SLC66A3: variants seen among roughly 807,000 people sequenced by gnomAD.
The protein encoded by SLC66A3 is solute carrier family 66 member 3.
SLC66A3 carries 23 observed loss-of-function variants against 25.5 expected under a neutral mutation model. That is an observed-to-expected ratio of 0.90 (90% CI 0.65 to 1.28). The LOEUF (loss-of-function observed/expected upper bound fraction) is 1.28, where lower values mean the gene tolerates loss of function less well. Among genes scored for constraint, SLC66A3 ranks in the 50% most tolerant of loss-of-function variants. The probability of loss-of-function intolerance (pLI) is 0.00; values close to 1 mark genes in which losing one functional copy is unlikely to be tolerated. For synonymous variants in SLC66A3, 108 were observed against 112.6 expected (o/e 0.96, Z 0.26); for missense variants, 246 against 262.1 (o/e 0.94, Z 0.42).
chr2:11,163,978 G>A (rs971654329), intron 3 of SLC66A3, among the ~76,000 whole-genome samples: 3 of 152,198 alleles, frequency 2.0e-5, no homozygotes, highest in Non-Finnish European at 4.4e-5. Flanking sequence ...GGGTGTCTTT[G>A]TATTTCTCTT....
intron 5 of SLC66A3, among the ~76,000 whole-genome samples, chr2:11,174,688 ACAGG>A: frequency 3.9e-5 from 6 of 152,084 alleles, no homozygotes; most frequent in Admixed American, 2.6e-4. Flanking sequence ...GTAGAGACAG[ACAGG>A]GTTTTGCCAT....
chr2:11,159,874 T>A (rs1445652543), intron 1 of SLC66A3, among the ~76,000 whole-genome samples: 2 of 152,206 alleles, frequency 1.3e-5, no homozygotes, highest in South Asian at 4.1e-4. Context: ...AGCCGGAGTC[T>A]TCTTAGCGAA....
At chr2:11,164,142 T>A (rs1389811227) in intron 3 of SLC66A3, 62 bp from the exon 4 acceptor site, 1 of 1,008,470 alleles carries the variant, frequency 9.9e-7, no homozygotes, top group African/African-American at 1.7e-5. Flanking sequence ...TTTGTATATG[T>A]GAGATGGGAG....
chr2:11,167,465 A>G lies in SLC66A3; in HGVS notation c.354+3204A>G, dbSNP rs183583277. Among the ~76,000 whole-genome samples, 322 of 152,284 alleles carry G rather than the reference A, an allele frequency of 2.1e-3. 3 individuals carry two copies. Among genetic ancestry groups the G allele is most frequent in the Non-Finnish European group, 2.8e-3 (190 of 68,020 alleles). On this transcript the variant is annotated intron_variant, in intron 4 of 6. Transcript: ENST00000295083. ...TTCAAAAACAAAACAAAACAAAAGA[A>G]TCAAGTTCAGGGGTCAAGGGCAACA...
At chr2:11,175,033 C>A in intron 6 of SLC66A3, 24 bp downstream of exon 6, 2 of 1,572,166 alleles carry the variant, frequency 1.3e-6, no homozygotes, top group Non-Finnish European at 1.7e-6. Context: ...CTTCTCACTT[C>A]CTTTTTGAGT....
In SLC66A3 at chr2:11,178,389, T is replaced by G. The variant is rs1662844496; in HGVS notation, c.*561T>G. ...GCAAGGATACCAAGGCAAGCATACA[T>G]GTAGCTGGCTTGAGTTTGTACCAAA... On this transcript the variant is annotated 3_prime_UTR_variant, in exon 7 of 7. Transcript: ENST00000295083. 6.5e-6 allele frequency: 1 copy of G among 152,758 alleles called. No individual in the cohort carries two copies. Among genetic ancestry groups the G allele is most frequent in the Non-Finnish European group, 1.5e-5 (1 of 68,134 alleles). The allele number at this position is 152,758 out of a possible 1,614,324, so 9.5% of individuals were successfully genotyped here.
At chr2:11,169,345 G>A (rs950220425) in intron 4 of SLC66A3, among the ~76,000 whole-genome samples, 2 of 152,248 alleles carry the variant, frequency 1.3e-5, no homozygotes, top group Non-Finnish European at 2.9e-5. Flanking sequence ...GCAGGAAACA[G>A]ACCGAGTGTT....
chr2:11,165,532 C>T (rs1246561706), intron 4 of SLC66A3, among the ~76,000 whole-genome samples: 1 of 150,236 alleles, frequency 6.7e-6, no homozygotes, highest in Admixed American at 6.6e-5. Context: ...ACTTCCCAGA[C>T]TGGGCAGCCG....
At chr2:11,160,070 G>A (rs1662059130) in intron 1 of SLC66A3, among the ~76,000 whole-genome samples, 1 of 152,242 alleles carries the variant, frequency 6.6e-6, no homozygotes, top group African/African-American at 2.4e-5. Context: ...GAGGGCAGAT[G>A]TGTGCAGCAG....
At chr2:11,160,873 CT>C in intron 3 of SLC66A3, 179 bp downstream of exon 3, 1 of 1,031,864 alleles carries the variant, frequency 9.7e-7, no homozygotes, top group African/African-American at 1.6e-5. Flanking sequence ...AGTACAGCCC[CT>C]GCTGCTCCTC....
At chr2:11,158,342 A>ACC (rs1183441662) in intron 1 of SLC66A3, among the ~76,000 whole-genome samples, 3 of 149,988 alleles carry the variant, frequency 2.0e-5, no homozygotes, top group African/African-American at 7.6e-5. Context: ...ACATGGTGAA[A>ACC]CCCCATCTCT....
At chr2:11,159,707 G>A (rs1220752721) in intron 1 of SLC66A3, among the ~76,000 whole-genome samples, 2 of 152,162 alleles carry the variant, frequency 1.3e-5, no homozygotes, top group South Asian at 2.1e-4. Flanking sequence ...GTGAGAGGGA[G>A]GGAGCCAAAA....
chr2:11,156,937 T>C (rs896106811), intron 1 of SLC66A3, among the ~76,000 whole-genome samples: 2 of 152,098 alleles, frequency 1.3e-5, no homozygotes, highest in Non-Finnish European at 2.9e-5. Flanking sequence ...CTGTGGTGAC[T>C]GTTCAGGTGG....
rs1367625033 is a variant in SLC66A3, at chr2:11,171,514, C to T, written c.355-411C>T. Among the ~76,000 whole-genome samples the T allele has an allele frequency of 2.0e-5, 3 of 151,620 alleles. No individual in the cohort carries two copies. The East Asian group carries it at 5.9e-4, about 30-fold the overall frequency. On this transcript the variant is annotated intron_variant, in intron 4 of 6. Coordinates refer to ENST00000295083, the MANE Select transcript of SLC66A3 (RefSeq NM_152391.5). ...CTTAGGTTTCAACTTTGTACAATTC[C>T]ATTATTATTTTGACCTGAAAATTTG...
At chr2:11,160,842 A>G (rs1662100190) in intron 3 of SLC66A3, 148 bp downstream of exon 3, 2 of 1,309,610 alleles carry the variant, frequency 1.5e-6, no homozygotes, top group Non-Finnish European at 2.1e-6. Context: ...AAACGTGTCC[A>G]TGTACACCAG....
At chr2:11,167,558 A>T (rs1662387652) in intron 4 of SLC66A3, among the ~76,000 whole-genome samples, 2 of 152,236 alleles carry the variant, frequency 1.3e-5, no homozygotes, top group African/African-American at 4.8e-5. Flanking sequence ...CATTGATGAT[A>T]TAACATTTCA....
intron 5 of SLC66A3, 150 bp from the exon 6 acceptor site, chr2:11,174,818 T>G (rs1662679068): frequency 2.1e-6 from 1 of 477,420 alleles, no homozygotes; most frequent in Non-Finnish European, 3.6e-6. Flanking sequence ...CTGTCAAGAA[T>G]AGTTAATATA....
chr2:11,160,947 C>T, intron 3 of SLC66A3: 1 of 590,546 alleles, frequency 1.7e-6, no homozygotes, highest in South Asian at 2.0e-5. Flanking sequence ...GTAGAGTCCA[C>T]CCCTGCTAAG....
chr2:11,164,682 C>G lies in SLC66A3; in HGVS notation c.354+421C>G, dbSNP rs945171654. On this transcript the variant is annotated intron_variant, in intron 4 of 6. Transcript: ENST00000295083. Reference sequence around the variant, plus strand: ...TGGTTTTCCTAGGCAGAGGACCCTGCGGCCTTCCGCAGTGTTTGTGTCCCT... The same window carrying G: ...TGGTTTTCCTAGGCAGAGGACCCTGGGGCCTTCCGCAGTGTTTGTGTCCCT... 1.1e-4 allele frequency among the ~76,000 whole-genome samples: 16 copies of G among 151,190 alleles called. No homozygotes were observed. The South Asian group carries it at 1.2e-3, about 12-fold the overall frequency.
Sources: gnomAD v4.1 joint callset for allele counts (sites outside exome capture counted in the v4.1 genomes callset) on GRCh38, gnomAD v4.1.1 for gene constraint, MANE v1.5 for transcripts, NCBI Gene and HGNC (gene_info 2026-07-23, HGNC 2026-07-21) for gene names.